The following GRB7 variants were observed in gnomAD, a reference collection of about 807,000 sequenced individuals.
GRB7 encodes growth factor receptor-bound protein 7.
A neutral mutation model predicts 64.1 loss-of-function variants in GRB7; 47 were observed. That is an observed-to-expected ratio of 0.73 (90% CI 0.58 to 0.94). The LOEUF (loss-of-function observed/expected upper bound fraction) is 0.94. GRB7 is among the 40% of genes least tolerant of loss of function. The probability of loss-of-function intolerance (pLI) is 0.00; values close to 1 mark genes in which losing one functional copy is unlikely to be tolerated. For synonymous variants in GRB7, 277 were observed against 279.9 expected (o/e 0.99, Z 0.10); for missense variants, 634 against 718.4 (o/e 0.88, Z 1.34).
Position 39,743,213 on chromosome 17 carries a change from A to G in GRB7, c.497A>G (p.Glu166Gly). 6.2e-7 allele frequency: 1 copy of G among 1,614,132 alleles called. No homozygotes were observed. Among genetic ancestry groups the G allele is most frequent in the Non-Finnish European group, 8.5e-7 (1 of 1,180,012 alleles). ...TTGGAGGACCACGAGTCCGTGGTGG[A>G]AGTGCAGGCTGCCTGGCCCGTGGGC... ...RGLEDHESVVEVQAAWPVGGD... is the reference protein window; with the variant it reads ...RGLEDHESVVGVQAAWPVGGD... Residue 166 changes from glutamate to glycine, a missense_variant, in exon 5 of 15, where the codon GAA (glutamate) becomes GGA (glycine). By Grantham distance (98) the Glu-to-Gly change is moderately conservative (BLOSUM62 -2). Transcript: ENST00000309156.
intron 6 of GRB7, among the ~76,000 whole-genome samples, chr17:39,743,822 A>G (rs2060018633): frequency 1.5e-5 from 2 of 136,974 alleles, no homozygotes; most frequent in African/African-American, 5.5e-5. Flanking sequence ...GTCTCTCCAA[A>G]AAAAAAAAAA....
Position 39,746,180 on chromosome 17 carries a change from T to C in GRB7, c.1430T>C (p.Val477Ala). The stretch of plus-strand genomic sequence containing the variant: ...CTCTCTTTGTGCCACCTGCAGAAAG[T>C]GAAGCATTATCTCATCCTGCCGGTG... The part of the protein sequence containing the change: ...FVLSLCHLQK[V>A]KHYLILPSEE... The change falls in exon 14 of 15, where the codon GTG (valine) becomes GCG (alanine). Residue 477 changes from valine to alanine, a missense_variant. Around this residue, in one of 2 missense-constraint regions of GRB7, gnomAD observed 467 missense variants for 576.6 expected, o/e 0.81. Transcript: ENST00000309156. The C allele has an allele frequency of 6.2e-7, 1 of 1,613,796 alleles. No homozygotes were observed. The highest frequency in any genetic ancestry group is 8.5e-7 in the Non-Finnish European group (1 of 1,179,788).
Position 39,743,421 on chromosome 17 carries a change from C to T in GRB7, c.614C>T (p.Ser205Phe). 9 of 1,614,204 alleles carry T rather than the reference C, an allele frequency of 5.6e-6. No individual in the cohort carries two copies. Among genetic ancestry groups the T allele is most frequent in the Non-Finnish European group, 7.6e-6 (9 of 1,180,036 alleles). The change falls in exon 6 of 15, where the codon TCC (serine) becomes TTC (phenylalanine). Residue 205 changes from serine (S) to phenylalanine (F), a missense_variant. Coordinates refer to ENST00000309156, the MANE Select transcript of GRB7 (RefSeq NM_005310.5). The part of the protein sequence containing the change: ...PHSLFPEKMV[S>F]SCLDAHTGIS... The stretch of plus-strand genomic sequence containing the variant: ...TCCCTGTTCCCAGAAAAAATGGTCT[C>T]CAGCTGTCTCGATGCACACACTGGT...
chr17:39,740,308 C>T (rs762879491), intron 1 of GRB7: 1 of 269,560 alleles, frequency 3.7e-6, no homozygotes, highest in Non-Finnish European at 5.7e-6. Flanking sequence ...GCCTTTCATC[C>T]TGTCTGTCTT....
At chr17:39,740,181 G>A (rs2059983245) in intron 1 of GRB7, 1 of 985,512 alleles carries the variant, frequency 1.0e-6, no homozygotes, top group Non-Finnish European at 1.2e-6. Flanking sequence ...GCTGTTTGGA[G>A]GTTAGACTGG....
At chr17:39,743,534 C>T in intron 6 of GRB7, 64 bp downstream of exon 6, 3 of 1,293,774 alleles carry the variant, frequency 2.3e-6, no homozygotes, top group Non-Finnish European at 1.1e-6. Context: ...TGCTTCTCCA[C>T]CCTTAAGTCC....
chr17:39,746,312 T>A, intron 14 of GRB7, 110 bp downstream of exon 14: 1 of 841,280 alleles, frequency 1.2e-6, no homozygotes, highest in Non-Finnish European at 2.0e-6. Flanking sequence ...TGCGTCTCCC[T>A]TTTCCCTGCA....
chr17:39,743,756 C>G, intron 6 of GRB7: 1 of 425,796 alleles, frequency 2.3e-6, no homozygotes, highest in Admixed American at 4.4e-5. Flanking sequence ...GGGAGGATTA[C>G]TTAAGCCTAG....
rs1243896552 is a variant in GRB7, at chr17:39,745,172, C to G, written c.1012-71C>G. The G allele has an allele frequency of 5.2e-6, 7 of 1,357,522 alleles. No homozygotes were observed. In the East Asian group the frequency reaches 1.4e-4, roughly 27 times the overall value. The allele number at this position is 1,357,522 out of a possible 1,614,324, so 84.1% of individuals were successfully genotyped here. ...AGCCCTGGTCTGGGCAAGTCCTGGT[C>G]TGAGGGGGGCGTCACAGCCACGCCC... On this transcript the variant is annotated intron_variant, in intron 9 of 14. Transcript: ENST00000309156.
intron 12 of GRB7, 27 bp downstream of exon 12, chr17:39,745,815 C>T (rs376662773): frequency 1.5e-5 from 24 of 1,613,500 alleles, no homozygotes; most frequent in African/African-American, 1.2e-4. Context: ...AGTCCTGGGG[C>T]GGGGGCTGCC....
At chr17:39,743,952 C>T in intron 6 of GRB7, 118 bp from the exon 7 acceptor site, 1 of 1,329,646 alleles carries the variant, frequency 7.5e-7, no homozygotes, top group Non-Finnish European at 1.0e-6. Flanking sequence ...GTGATCGTGC[C>T]ACCGCACTAG....
chr17:39,746,323 C>T (rs2060046432), intron 14 of GRB7, 121 bp downstream of exon 14: 1 of 798,660 alleles, frequency 1.3e-6, no homozygotes, highest in Non-Finnish European at 2.1e-6. Context: ...TTTCCCTGCA[C>T]AAGAAGTGGG....
At chr17:39,744,283 C>G in intron 7 of GRB7, 76 bp downstream of exon 7, 1 of 1,552,592 alleles carries the variant, frequency 6.4e-7, no homozygotes, top group Non-Finnish European at 8.8e-7. Flanking sequence ...TCTGCTGGAA[C>G]CTCTGAGCCC....
At chr17:39,746,624 AAAAAAGAAAG>A in intron 14 of GRB7, 117 bp from the exon 15 acceptor site, 1 of 1,300,500 alleles carries the variant, frequency 7.7e-7, no homozygotes, top group Non-Finnish European at 1.0e-6. Flanking sequence ...CTCAAAAAAA[AAAAAAGAAAG>A]AAAAAGAAAA....
chr17:39,745,565 T>G lies in GRB7; in HGVS notation c.1209+27T>G, dbSNP rs1480028152. On this transcript the variant is annotated intron_variant, in intron 11 of 14. Coordinates refer to ENST00000309156, the MANE Select transcript of GRB7 (RefSeq NM_005310.5). ...TGAGGCCTGCTGTGTGTGTGTGTGT[T>G]TGTGCTGGGGACCCACTCTCTGGGT... The G allele has an allele frequency of 5.2e-6, 8 of 1,542,570 alleles. No homozygotes were observed. The East Asian group carries it at 6.7e-5, about 13-fold the overall frequency.
At chr17:39,739,467 C>A (rs1331557575) in intron 1 of GRB7, among the ~76,000 whole-genome samples, 6 of 152,202 alleles carry the variant, frequency 3.9e-5, no homozygotes, top group Non-Finnish European at 8.8e-5. Context: ...GGGCCCTGCA[C>A]CCTAAAAAAT....
At chr17:39,744,310 C>T (rs2060024342) in intron 7 of GRB7, 103 bp downstream of exon 7, 3 of 1,369,034 alleles carry the variant, frequency 2.2e-6, no homozygotes, top group Non-Finnish European at 3.0e-6. Flanking sequence ...CCCTGGGCCC[C>T]CCAGGCCAGC....
Position 39,742,471 on chromosome 17 carries a change from G to A in GRB7, c.155+15G>A. 6.2e-7 allele frequency: 1 copy of A among 1,613,474 alleles called. No homozygotes were observed. Among genetic ancestry groups the A allele is most frequent in the Non-Finnish European group, 8.5e-7 (1 of 1,179,652 alleles). On this transcript the variant is annotated intron_variant, in intron 2 of 14. Transcript: ENST00000309156. ...ACCACCGGCAGGTACGATGGGGCGT[G>A]GGGCTTGGGGGAGGTCAGTGCTGGA...
rs373767742 is a variant in GRB7, at chr17:39,745,486, A to G, written c.1157A>G (p.Glu386Gly). The change falls in exon 11 of 15, where the codon GAG becomes GGG. Residue 386 changes from glutamate (E) to glycine (G), a missense_variant. This residue lies in a region of GRB7 where 467 missense variants were observed against 576.6 expected (regional missense o/e 0.81). Coordinates refer to ENST00000309156, the MANE Select transcript of GRB7 (RefSeq NM_005310.5). ...DFSGHAGRVI[E>G]NPREALSVAL... ...TCTGGCCATGCTGGGCGTGTCATTG[A>G]GAACCCCCGGGAGGCTCTGAGTGTG... 6.2e-6 allele frequency: 10 copies of G among 1,613,914 alleles called. No homozygotes were observed. The highest frequency in any genetic ancestry group is 8.5e-6 in the Non-Finnish European group (10 of 1,180,008).
Sources: gnomAD v4.1 joint callset for allele counts (sites outside exome capture counted in the v4.1 genomes callset) on GRCh38, gnomAD v4.1.1 for gene constraint, gnomAD v4.1.1 regional missense constraint, MANE v1.5 for transcripts, NCBI Gene and HGNC (gene_info 2026-07-23, HGNC 2026-07-21) for gene names.